Variants in ZSCAN23 observed in about 807,000 individuals in gnomAD.
ZSCAN23 encodes zinc finger and SCAN domain containing 23.
ZSCAN23 carries 19 observed loss-of-function variants against 19.3 expected under a neutral mutation model. That is an observed-to-expected ratio of 0.99 (90% CI 0.69 to 1.45). The LOEUF is 1.45. ZSCAN23 is among the 40% of genes most tolerant of loss of function. The pLI is 0.00. For synonymous variants in ZSCAN23, 140 were observed against 166.2 expected, an observed-to-expected ratio of 0.84 and a Z score of 1.21; for missense variants, 372 against 462.5, an observed-to-expected ratio of 0.80 and a Z score of 1.79.
At chr6:28,431,268 A>G (rs1381376929), downstream of ZSCAN23, among the ~76,000 whole-genome samples, 3 of 152,126 alleles carry the variant, frequency 2.0e-5, no homozygotes, top group Admixed American at 1.3e-4. Flanking sequence ...GAACATTGTA[A>G]TCTTTCTGAT....
In ZSCAN23 at chr6:28,433,565, T is replaced by G. The variant is rs1761804738; in HGVS notation, c.*900A>C. 1 of 149,696 alleles carries G rather than the reference T, an allele frequency of 6.7e-6. No individual in the cohort carries two copies. The highest frequency in any genetic ancestry group is 2.5e-5 in the African/African-American group (1 of 40,446). 9.3% of individuals were successfully genotyped at this position (149,696 alleles called of 1,614,324 possible). A position where few individuals can be genotyped will look rare whatever the true frequency, so the allele number is the denominator to read the frequency against. ...AGTCAATGTTAAGGGAAATAAATTT[T>G]TTTATTTATGATCTTGGTGGTAATC... is the stretch of plus-strand genomic sequence containing the variant. On this transcript the variant is annotated 3_prime_UTR_variant, in exon 4 of 4. Coordinates refer to ENST00000289788, the MANE Select transcript of ZSCAN23 (RefSeq NM_001012455.2).
chr6:28,435,203 T>C, intron 3 of ZSCAN23, 125 bp from the exon 4 acceptor site: 1 of 1,200,406 alleles, frequency 8.3e-7, no homozygotes, highest in Non-Finnish European at 1.1e-6. Flanking sequence ...ACTTTTTCTG[T>C]TTATTTTTCC....
downstream of ZSCAN23, among the ~76,000 whole-genome samples, chr6:28,429,460 T>C (rs189981910): frequency 1.8e-4 from 27 of 152,306 alleles, no homozygotes; most frequent in African/African-American, 6.3e-4. Flanking sequence ...ATCGTGACCA[T>C]TAGCATAGGG....
In ZSCAN23 at chr6:28,436,312, C is replaced by A; in HGVS notation, c.-46G>T. 6.9e-7 allele frequency: 1 copy of A among 1,443,904 alleles called. No homozygotes were observed. The highest frequency in any genetic ancestry group is 9.1e-7 in the Non-Finnish European group (1 of 1,094,204). The allele number at this position is 1,443,904 out of a possible 1,614,324, so 89.4% of individuals were successfully genotyped here. On this transcript the variant is annotated 5_prime_UTR_variant, in exon 2 of 4. The change creates a premature stop within an existing upstream ORF in the 5' untranslated region. Coordinates refer to ENST00000289788, the MANE Select transcript of ZSCAN23 (RefSeq NM_001012455.2). ...AAAATAATCTATTCTTGATAATTCT[C>A]CCTTGATCTTTTCTTCTGGAAACCC...
chr6:28,442,101 T>A (rs1762014317), intron 1 of ZSCAN23, among the ~76,000 whole-genome samples: 1 of 152,018 alleles, frequency 6.6e-6, no homozygotes, highest in Non-Finnish European at 1.5e-5. Flanking sequence ...GGTCTCGAAC[T>A]CCCGACCTCA....
At chr6:28,436,373 T>C (rs181627203) in intron 1 of ZSCAN23, 30 bp from the exon 2 acceptor site, 5 of 1,235,886 alleles carry the variant, frequency 4.0e-6, no homozygotes, top group Middle Eastern at 2.8e-4. Flanking sequence ...GAAAAAAATA[T>C]AAAAATGCAG....
chr6:28,430,866 C>T (rs1239870242), downstream of ZSCAN23, among the ~76,000 whole-genome samples: 5 of 152,150 alleles, frequency 3.3e-5, no homozygotes, highest in Admixed American at 3.3e-4. Context: ...CATCCGACTA[C>T]CTGCTTAAAA....
chr6:28,439,528 A>G (rs1489615885), intron 1 of ZSCAN23, among the ~76,000 whole-genome samples: 2 of 152,210 alleles, frequency 1.3e-5, no homozygotes, highest in Non-Finnish European at 2.9e-5. Context: ...AGAGCCTACC[A>G]TATTCCATGT....
At chr6:28,425,796 C>A in the ZSCAN23 span, among the ~76,000 whole-genome samples, 1 of 152,312 alleles carries the variant, frequency 6.6e-6, no homozygotes, top group South Asian at 2.1e-4. Flanking sequence ...TAAAGTGTTT[C>A]ATCTACATTA....
Position 28,435,887 on chromosome 6 carries a change from T to C in ZSCAN23, c.380A>G (p.Glu127Gly), listed in dbSNP as rs756142787. The change falls in exon 2 of 4, where the codon GAG becomes GGG. Residue 127 changes from glutamate (E) to glycine (G), a missense_variant. Coordinates refer to ENST00000289788, the MANE Select transcript of ZSCAN23 (RefSeq NM_001012455.2). ...EEAVTVLEDL[E>G]RELDDPGEQV... ...CTCTCCTGGGTCATCCAGCTCTCTC[T>C]CCAAATCCTCCAGCACAGTCACTGC... 2 of 1,608,746 alleles carry C rather than the reference T, an allele frequency of 1.2e-6. No individual in the cohort carries two copies. Among genetic ancestry groups the C allele is most frequent in the South Asian group, 2.2e-5 (2 of 90,148 alleles).
chr6:28,435,782 C>T (rs1761870918), intron 2 of ZSCAN23, 77 bp downstream of exon 2: 2 of 1,459,502 alleles, frequency 1.4e-6, no homozygotes, highest in Non-Finnish European at 1.8e-6. Flanking sequence ...AAATCCTCCT[C>T]CTCTACCTTT....
chr6:28,435,972 T>G lies in ZSCAN23; in HGVS notation c.295A>C (p.Ile99Leu), dbSNP rs201836306. ...ELLVLEQFLT[I>L]LPEELQAWVR... ...CAGGCCTGGAGCTCCTCAGGCAGGA[T>G]AGTCAGGAACTGCTCCAGCACCAGC... is the stretch of plus-strand genomic sequence containing the variant. Residue 99 changes from isoleucine (I) to leucine (L), a missense_variant, in exon 2 of 4, where the codon ATC becomes CTC. Ile to Leu is a conservative substitution (Grantham distance 5). Transcript: ENST00000289788. 32 of 1,614,086 alleles carry G rather than the reference T, an allele frequency of 2.0e-5. No individual in the cohort carries two copies. Among genetic ancestry groups the G allele is most frequent in the Non-Finnish European group, 2.5e-5 (30 of 1,180,048 alleles).
intron 1 of ZSCAN23, among the ~76,000 whole-genome samples, chr6:28,439,574 A>G (rs1761961192): frequency 6.6e-6 from 1 of 152,158 alleles, no homozygotes; most frequent in Non-Finnish European, 1.5e-5. Context: ...CTGCAATTAT[A>G]ACGAAGTCCC....
At chr6:28,424,563 T>C in the ZSCAN23 span, among the ~76,000 whole-genome samples, 1 of 152,244 alleles carries the variant, frequency 6.6e-6, no homozygotes, top group African/African-American at 2.4e-5. Context: ...CACTGCTTTA[T>C]CAGTCAAGTT....
At chr6:28,426,476 A>T in the ZSCAN23 span, among the ~76,000 whole-genome samples, 1 of 152,194 alleles carries the variant, frequency 6.6e-6, no homozygotes, top group Non-Finnish European at 1.5e-5. Flanking sequence ...TTATCAGTTA[A>T]GTTAGGCATC....
rs1455201666 is a variant in ZSCAN23, at chr6:28,434,564, T to C, written c.1071A>G (p.Gly357=). ...VLIKHQRIHT[G]ERPYECEECG... ...ATTCTTCACATTCATAAGGTCTCTC[T>C]CCAGTGTGAATTCTCTGATGCTTAA... The change falls in exon 4 of 4, where the codon GGA becomes GGG. Residue 357 remains glycine, a synonymous_variant. Coordinates refer to ENST00000289788, the MANE Select transcript of ZSCAN23 (RefSeq NM_001012455.2). The C allele has an allele frequency of 1.3e-6, 2 of 1,554,508 alleles. No individual in the cohort carries two copies. Among genetic ancestry groups the C allele is most frequent in the Non-Finnish European group, 1.7e-6 (2 of 1,148,612 alleles).
the ZSCAN23 span, among the ~76,000 whole-genome samples, chr6:28,422,878 C>G: frequency 2.0e-5 from 3 of 152,192 alleles, no homozygotes; most frequent in South Asian, 2.1e-4. The surrounding 1 kb of genome is among the most constrained non-coding windows in gnomAD (Gnocchi z 4.0). Flanking sequence ...CAAAAAGACA[C>G]CAACATTTCC....
At chr6:28,423,517 C>T in the ZSCAN23 span, among the ~76,000 whole-genome samples, 2 of 152,242 alleles carry the variant, frequency 1.3e-5, no homozygotes, top group African/African-American at 4.8e-5. Flanking sequence ...TCAGTAGTTC[C>T]AAGACGTGTT....
intron 1 of ZSCAN23, among the ~76,000 whole-genome samples, chr6:28,436,790 G>A (rs1761898870): frequency 6.6e-6 from 1 of 152,148 alleles, no homozygotes; most frequent in African/African-American, 2.4e-5. Context: ...AAATGCACTT[G>A]GAGAGAGGAG....
Sources: allele counts gnomAD v4.1 joint callset (sites outside exome capture counted in the v4.1 genomes callset), GRCh38; gene constraint gnomAD v4.1.1; non-coding constraint Gnocchi (gnomAD v3.1); transcripts MANE v1.5; gene names NCBI Gene and HGNC (gene_info 2026-07-23, HGNC 2026-07-21).